CSNK1G3: variants seen among roughly 807,000 people sequenced by gnomAD.
CSNK1G3 encodes the protein casein kinase I isoform gamma-3.
In CSNK1G3, 23 loss-of-function variants were observed where a neutral mutation model predicts 64.3. The ratio of observed to expected loss-of-function variants is 0.36; its 90% CI spans 0.26 to 0.51. CSNK1G3 has a LOEUF of 0.51. Ranked by LOEUF, CSNK1G3 falls within the 20% of genes least tolerant of loss-of-function variation. The pLI is 0.96. For missense variants in CSNK1G3, 357 were observed against 510.5 expected (o/e 0.70, Z 2.90); for synonymous variants, 158 against 162.2 (o/e 0.97, Z 0.20).
intron 4 of CSNK1G3, among the ~76,000 whole-genome samples, chr5:123,570,634 G>A (rs550173412): frequency 6.6e-6 from 1 of 152,218 alleles, no homozygotes; most frequent in South Asian, 2.1e-4. Flanking sequence ...GGGATTACAG[G>A]CATGAGCTAC....
At chr5:123,516,994 G>C (rs1041038040) in intron 1 of CSNK1G3, among the ~76,000 whole-genome samples, 1 of 152,126 alleles carries the variant, frequency 6.6e-6, no homozygotes, top group East Asian at 1.9e-4. Flanking sequence ...CATCAAAATG[G>C]AGGAAATTCA....
chr5:123,573,137 G>C (rs1362461976), intron 4 of CSNK1G3, among the ~76,000 whole-genome samples: 1 of 152,174 alleles, frequency 6.6e-6, no homozygotes, highest in East Asian at 1.9e-4. Flanking sequence ...AGGTGGTAGA[G>C]AGAAACAATG....
intron 4 of CSNK1G3, 86 bp downstream of exon 4, chr5:123,557,650 T>C (rs1165105005): frequency 1.2e-6 from 1 of 855,926 alleles, no homozygotes; most frequent in Non-Finnish European, 1.8e-6. Flanking sequence ...TTAAGTTTGG[T>C]TAAGGAAATC....
chr5:123,567,741 G>A (rs138159150), intron 4 of CSNK1G3, among the ~76,000 whole-genome samples: 86 of 152,272 alleles, frequency 5.6e-4, no homozygotes, highest in African/African-American at 2.0e-3. Context: ...ATTATATTCC[G>A]TAATATGGGT....
At chr5:123,569,867 G>A (rs1787724517) in intron 4 of CSNK1G3, among the ~76,000 whole-genome samples, 2 of 152,086 alleles carry the variant, frequency 1.3e-5, no homozygotes, top group Admixed American at 1.3e-4. Context: ...ATGTTAGTTG[G>A]TAACTTTTCC....
chr5:123,576,430 C>T (rs1028750923), intron 6 of CSNK1G3, among the ~76,000 whole-genome samples: 3 of 152,130 alleles, frequency 2.0e-5, no homozygotes, highest in Non-Finnish European at 1.5e-5. Flanking sequence ...TACCTGTATG[C>T]TAACTATGAC....
chr5:123,564,460 A>T (rs564664974), intron 4 of CSNK1G3, among the ~76,000 whole-genome samples: 2 of 152,222 alleles, frequency 1.3e-5, no homozygotes, highest in Non-Finnish European at 2.9e-5. Flanking sequence ...TGAAAATTTC[A>T]TATTTAGTTT....
chr5:123,571,027 T>G (rs1353024267), intron 4 of CSNK1G3, among the ~76,000 whole-genome samples: 1 of 152,212 alleles, frequency 6.6e-6, no homozygotes, highest in Non-Finnish European at 1.5e-5. Flanking sequence ...TCTGAACCTT[T>G]TCTCCACCTT....
At chr5:123,608,146 C>T (rs1339082773) in intron 12 of CSNK1G3, among the ~76,000 whole-genome samples, 1 of 152,106 alleles carries the variant, frequency 6.6e-6, no homozygotes, top group East Asian at 1.9e-4. Flanking sequence ...CCATTTGACA[C>T]GTAACTAGGG....
intron 1 of CSNK1G3, among the ~76,000 whole-genome samples, chr5:123,522,480 G>A (rs1191020404): frequency 1.4e-5 from 2 of 147,232 alleles, no homozygotes; most frequent in African/African-American, 2.6e-5. Context: ...TCCAGCCTAG[G>A]CAATAGAGCG....
intron 4 of CSNK1G3, 22 bp downstream of exon 4, chr5:123,557,586 T>A: frequency 1.4e-6 from 2 of 1,459,674 alleles, no homozygotes; most frequent in Non-Finnish European, 1.9e-6. Flanking sequence ...TATTAATTTT[T>A]AAATTTGAAA....
chr5:123,556,176 T>TTA (rs1491456326), intron 3 of CSNK1G3, among the ~76,000 whole-genome samples: 4 of 152,070 alleles, frequency 2.6e-5, no homozygotes, highest in Non-Finnish European at 5.9e-5. Context: ...GTAATAAAAC[T>TTA]TATAAGTTTT....
At chr5:123,614,619 G>C in exon 13 of CSNK1G3, 1 of 427,430 alleles carries the variant, frequency 2.3e-6, no homozygotes, top group Non-Finnish European at 4.1e-6. Context: ...GTCAAAACAT[G>C]AGTGCTTTGC....
chr5:123,566,595 G>A (rs1286854333), intron 4 of CSNK1G3, among the ~76,000 whole-genome samples: 1 of 151,912 alleles, frequency 6.6e-6, no homozygotes, highest in Non-Finnish European at 1.5e-5. Flanking sequence ...GTTTTGGTTT[G>A]TTTTTGCTTA....
At chr5:123,525,977 G>A (rs577801935) in intron 1 of CSNK1G3, among the ~76,000 whole-genome samples, 9 of 145,510 alleles carry the variant, frequency 6.2e-5, no homozygotes, top group African/African-American at 1.3e-4. Context: ...CAGCTTGGGC[G>A]ACAGAGCGAG....
Position 123,588,352 on chromosome 5 carries a change from C to T in CSNK1G3, c.760-75C>T, listed in dbSNP as rs1315140659. 2.0e-5 allele frequency: 25 copies of T among 1,256,232 alleles called. No individual in the cohort carries two copies. In the Admixed American group the frequency reaches 4.0e-4, roughly 20 times the overall value. 77.8% of individuals were successfully genotyped at this position (1,256,232 alleles called of 1,614,324 possible). ...TTGGCCTTCCAAAGCTCTGTGATTA[C>T]AGGCTACCGTGTGCAGTCCCAGCTA... is the stretch of plus-strand genomic sequence containing the variant. On this transcript the variant is annotated intron_variant, in intron 7 of 12. Transcript: ENST00000345990.
chr5:123,567,155 T>G (rs1325783657), intron 4 of CSNK1G3, among the ~76,000 whole-genome samples: 1 of 152,192 alleles, frequency 6.6e-6, no homozygotes, highest in Non-Finnish European at 1.5e-5. Context: ...ACTCATTCAC[T>G]ATTATGAGAA....
intron 4 of CSNK1G3, among the ~76,000 whole-genome samples, chr5:123,560,666 T>G (rs560908037): frequency 6.6e-6 from 1 of 152,266 alleles, no homozygotes; most frequent in African/African-American, 2.4e-5. Context: ...TGAGCTTTGA[T>G]CATGCCATTG....
At chr5:123,522,734 T>C (rs970756178) in intron 1 of CSNK1G3, among the ~76,000 whole-genome samples, 17 of 152,126 alleles carry the variant, frequency 1.1e-4, no homozygotes, top group Non-Finnish European at 1.5e-4. Context: ...TGCTTTTTTT[T>C]CCCTGAATAT....
Sources: gnomAD v4.1 joint callset for allele counts (sites outside exome capture counted in the v4.1 genomes callset) on GRCh38, gnomAD v4.1.1 for gene constraint, MANE v1.5 for transcripts, NCBI Gene and HGNC (gene_info 2026-07-23, HGNC 2026-07-21) for gene names.